The following B4GALT3 variants were observed in gnomAD, a reference collection of about 807,000 sequenced individuals.
The protein encoded by B4GALT3 is N-acetyllactosamine synthase.
In B4GALT3, 29 loss-of-function variants were observed where a neutral mutation model predicts 40.7. The observed-to-expected ratio is 0.71, with a 90% CI of 0.53 to 0.97. The LOEUF (loss-of-function observed/expected upper bound fraction) is 0.97. Among genes scored for constraint, B4GALT3 ranks in the 50% least tolerant of loss-of-function variants. The pLI is 0.00. For synonymous variants in B4GALT3, 182 were observed against 203.9 expected (o/e 0.89, Z 0.92); for missense variants, 390 against 522.3 (o/e 0.75, Z 2.47).
In B4GALT3 at chr1:161,175,970, A is replaced by G. The variant is rs1244397254; in HGVS notation, c.91T>C (p.Phe31Leu). 6.2e-7 allele frequency: 1 copy of G among 1,614,124 alleles called. No individual in the cohort carries two copies. Among genetic ancestry groups the G allele is most frequent in the Non-Finnish European group, 8.5e-7 (1 of 1,180,022 alleles). ...CCAAATAGGGCACTGAGACTTCGGAAGCCCCCCAGTGACAGGTACATCATG... is the reference window on the plus strand; with the variant it reads ...CCAAATAGGGCACTGAGACTTCGGAGGCCCCCCAGTGACAGGTACATCATG... ...AVMMYLSLGG[F>L]RSLSALFGRD... The change falls in exon 3 of 8, where the codon TTC (phenylalanine) becomes CTC (leucine). Residue 31 changes from phenylalanine to leucine, a missense_variant. By Grantham distance (22) the Phe-to-Leu change is conservative. Around this residue, in one of 3 missense-constraint regions of B4GALT3, gnomAD observed 183 missense variants for 223.2 expected, o/e 0.82. Transcript: ENST00000319769.
intron 6 of B4GALT3, among the ~76,000 whole-genome samples, chr1:161,172,939 C>T (rs1409275621): frequency 6.7e-6 from 1 of 150,080 alleles, no homozygotes; most frequent in East Asian, 2.0e-4. Context: ...TTAAAAGAAA[C>T]AAACTCCACT....
At chr1:161,175,665 T>C (rs1663225559) in intron 3 of B4GALT3, 143 bp downstream of exon 3, 7 of 1,277,212 alleles carry the variant, frequency 5.5e-6, no homozygotes, top group Non-Finnish European at 7.6e-6. Context: ...CAGCCCTCTA[T>C]CTCAACCTCA....
Position 161,171,634 on chromosome 1 carries a change from G to A in B4GALT3, c.*182C>T, listed in dbSNP as rs1390525425. Reference sequence around the variant, plus strand: ...GCCCTACAGGAGACCCTAGAGAGAGGGACCCCTCAGGTCTACAGGAGCCCA... The same window carrying A: ...GCCCTACAGGAGACCCTAGAGAGAGAGACCCCTCAGGTCTACAGGAGCCCA... On this transcript the variant is annotated 3_prime_UTR_variant, in exon 8 of 8. Transcript: ENST00000319769. 2 of 768,422 alleles carry A rather than the reference G, an allele frequency of 2.6e-6. No individual in the cohort carries two copies. The highest frequency in any genetic ancestry group is 1.8e-5 in the South Asian group (1 of 54,200). The allele number at this position is 768,422 out of a possible 1,614,324, so 47.6% of individuals were successfully genotyped here. A position where few individuals can be genotyped will look rare whatever the true frequency, so the allele number is the denominator to read the frequency against.
chr1:161,176,952 T>A (rs112783273), intron 1 of B4GALT3: 1 of 1,536,012 alleles, frequency 6.5e-7, no homozygotes, highest in Non-Finnish European at 8.7e-7. Flanking sequence ...ATTCTTCATG[T>A]GCCTGGGTGC....
At position 161,172,266 on chromosome 1, in the gene B4GALT3, T is replaced by G. The variant is rs368847387; in HGVS notation, c.869A>C (p.Lys290Thr). 5 of 1,614,158 alleles carry G rather than the reference T, an allele frequency of 3.1e-6. No homozygotes were observed. Among genetic ancestry groups the G allele is most frequent in the Non-Finnish European group, 4.2e-6 (5 of 1,180,026 alleles). Residue 290 changes from lysine (K) to threonine (T), a missense_variant, in exon 7 of 8, where the codon AAG (lysine) becomes ACG (threonine). Around this residue, in one of 3 missense-constraint regions of B4GALT3, gnomAD observed 135 missense variants for 227.8 expected, o/e 0.59. Coordinates refer to ENST00000319769, the MANE Select transcript of B4GALT3 (RefSeq NM_003779.4). ...CTCATTGCCCTTATCTCCTCGGTGC[T>G]TCACCATCTTATAGTGTCCTACAGA... ...PTSVGHYKMV[K>T]HRGDKGNEEN... is the part of the protein sequence containing the mutation.
intron 2 of B4GALT3, 140 bp downstream of exon 2, chr1:161,176,294 A>C (rs535793095): frequency 1.7e-6 from 1 of 597,248 alleles, no homozygotes; most frequent in Non-Finnish European, 2.9e-6. Context: ...GCTCTCCTCT[A>C]CCTCCCCCCA....
rs371077103 is a variant in B4GALT3 at position 161,171,830 on chromosome 1, G to A, written c.1168C>T (p.Arg390Ter). The change falls in exon 8 of 8, where the codon CGA (arginine) becomes TGA (stop). Residue 390 changes from arginine (R) to a stop codon, truncating the protein, a stop_gained. Transcript: ENST00000319769. LOFTEE classifies it high-confidence loss of function. The stretch of plus-strand genomic sequence containing the variant: ...GGAAGGAGGAGTCAGTGTGAACCTC[G>A]GAGGGCTGTGTGGTTGGCAGTAGAT... The part of the protein sequence containing the change: ...PLSTANHTAL[R>*]GSH The A allele has an allele frequency of 1.2e-5, 20 of 1,613,970 alleles. No individual in the cohort carries two copies. Among genetic ancestry groups the A allele is most frequent in the African/African-American group, 6.7e-5 (5 of 74,920 alleles).
At chr1:161,175,751 C>T in intron 3 of B4GALT3, 57 bp downstream of exon 3, 1 of 1,591,660 alleles carries the variant, frequency 6.3e-7, no homozygotes, top group East Asian at 2.2e-5. Flanking sequence ...TATCCCCAAG[C>T]CTCCCTGTCT....
intron 1 of B4GALT3, chr1:161,177,162 G>C: frequency 3.8e-6 from 5 of 1,309,590 alleles, no homozygotes; most frequent in Non-Finnish European, 5.2e-6. Flanking sequence ...GTGGCTGGAA[G>C]GGCTCACCTA....
At chr1:161,177,045 T>C in intron 1 of B4GALT3, 1 of 1,531,352 alleles carries the variant, frequency 6.5e-7, no homozygotes, top group Non-Finnish European at 8.7e-7. Context: ...AGGGTGGGGG[T>C]GGCGTCCTCT....
rs138120640 is a variant in B4GALT3 at position 161,174,130 on chromosome 1, G to A, written c.490-81C>T. 1.3e-4 allele frequency: 197 copies of A among 1,460,144 alleles called. No homozygotes were observed. The African/African-American group carries it at 1.5e-3, about 11-fold the overall frequency. 90.4% of individuals were successfully genotyped at this position (1,460,144 alleles called of 1,614,324 possible). ...GGGCTAAAGAATAAAAGTGAAGGCC[G>A]GGCGCGGTGGCTTACGCCTGTAATC... On this transcript the variant is annotated intron_variant, in intron 4 of 7. Coordinates refer to ENST00000319769, the MANE Select transcript of B4GALT3 (RefSeq NM_003779.4).
rs1571436391 is a variant in B4GALT3 at position 161,171,784 on chromosome 1, G to T, written c.*32C>A. The T allele has an allele frequency of 6.2e-7, 1 of 1,610,388 alleles. No homozygotes were observed. The highest frequency in any genetic ancestry group is 1.7e-5 in the Admixed American group (1 of 59,922). ...GGGAGAATACAACCCCATGAATTCG[G>T]TTTCATGATTAAGGTAGACAGGAAG... On this transcript the variant is annotated 3_prime_UTR_variant, in exon 8 of 8. Coordinates refer to ENST00000319769, the MANE Select transcript of B4GALT3 (RefSeq NM_003779.4).
chr1:161,175,764 G>A (rs767106264), intron 3 of B4GALT3, 44 bp downstream of exon 3: 45 of 1,602,728 alleles, frequency 2.8e-5, no homozygotes, highest in Non-Finnish European at 3.3e-5. Context: ...CCCTGTCTCC[G>A]CACCTTGTCC....
chr1:161,176,161 A>T, intron 2 of B4GALT3, 87 bp from the exon 3 acceptor site: 1 of 1,403,690 alleles, frequency 7.1e-7, no homozygotes, highest in South Asian at 1.3e-5. Flanking sequence ...AGGTGATGCC[A>T]GGGGTAAAGA....
intron 1 of B4GALT3, chr1:161,176,889 C>T: frequency 6.5e-7 from 1 of 1,536,224 alleles, no homozygotes; most frequent in South Asian, 1.2e-5. Context: ...CATGACAGGA[C>T]CGTGGAGTGG....
At chr1:161,174,971 A>G in intron 4 of B4GALT3, 22 bp downstream of exon 4, 1 of 1,608,840 alleles carries the variant, frequency 6.2e-7, no homozygotes, top group Non-Finnish European at 8.5e-7. Flanking sequence ...GTCAGTCAAA[A>G]TGAGGTGGAG....
chr1:161,175,085 C>T lies in B4GALT3; in HGVS notation c.397G>A (p.Ala133Thr). The change falls in exon 4 of 8, where the codon GCC becomes ACC. Residue 133 changes from alanine to threonine, a missense_variant. By Grantham distance (58) the Ala-to-Thr change is moderately conservative. Around this residue, in one of 3 missense-constraint regions of B4GALT3, gnomAD observed 183 missense variants for 223.2 expected, o/e 0.82. Transcript: ENST00000319769. ...AGCAGGCGCAGGTGGTGCTCCCGGG[C>T]ACGATGAGGCACAATGATGGCTGTT... ...SRTAIIVPHR[A>T]REHHLRLLLY... is the part of the protein sequence containing the mutation. The T allele has an allele frequency of 1.9e-6, 3 of 1,614,036 alleles. No homozygotes were observed. Among genetic ancestry groups the T allele is most frequent in the East Asian group, 2.2e-5 (1 of 44,878 alleles).
rs190810180 is a variant in B4GALT3 at position 161,172,053 on chromosome 1, C to T, written c.945G>A (p.Thr315=). The T allele has an allele frequency of 5.0e-6, 8 of 1,614,168 alleles. No individual in the cohort carries two copies. The highest frequency in any genetic ancestry group is 3.3e-4 in the Middle Eastern group (2 of 6,062). The change falls in exon 8 of 8, where the codon ACG becomes ACA. Residue 315 remains threonine (T), a synonymous_variant. Transcript: ENST00000319769. The part of the protein sequence containing the change: ...DLLVRTQNSW[T]QDGMNSLTYQ... ...ATGTCAGTGAGTTCATCCCATCTTGCGTCCAGGAATTCTGGGTACGGACCA... is the reference window on the plus strand; with the variant it reads ...ATGTCAGTGAGTTCATCCCATCTTGTGTCCAGGAATTCTGGGTACGGACCA...
chr1:161,175,043 G>C lies in B4GALT3; in HGVS notation c.439C>G (p.Pro147Ala). The C allele has an allele frequency of 6.2e-7, 1 of 1,614,030 alleles. No individual in the cohort carries two copies. Among genetic ancestry groups the C allele is most frequent in the African/African-American group, 1.3e-5 (1 of 75,036 alleles). ...HLRLLLYHLH[P>A]FLQRQQLAYG... is the part of the protein sequence containing the mutation. ...GCAAGCTGCTGGCGCTGCAAGAAGG[G>C]GTGCAGGTGGTAGAGCAGCAGGCGC... The change falls in exon 4 of 8, where the codon CCC becomes GCC. Residue 147 changes from proline to alanine, a missense_variant. Around this residue, in one of 3 missense-constraint regions of B4GALT3, gnomAD observed 183 missense variants for 223.2 expected, o/e 0.82. Coordinates refer to ENST00000319769, the MANE Select transcript of B4GALT3 (RefSeq NM_003779.4).
Sources: allele counts gnomAD v4.1 joint callset (sites outside exome capture counted in the v4.1 genomes callset), GRCh38; gene constraint gnomAD v4.1.1; regional missense constraint gnomAD v4.1.1; transcripts MANE v1.5; gene names NCBI Gene and HGNC (gene_info 2026-07-23, HGNC 2026-07-21).